SCRG1: variants seen among roughly 807,000 people sequenced by gnomAD.
SCRG1 encodes scrapie-responsive protein 1.
Under a neutral mutation model 7.7 loss-of-function variants are expected in SCRG1, and 3 were observed. The ratio of observed to expected loss-of-function variants is 0.39; its 90% CI spans 0.18 to 1.01. The LOEUF is 1.01. Ranked by LOEUF, SCRG1 falls within the 50% of genes least tolerant of loss-of-function variation. The pLI is 0.36. For missense variants in SCRG1, 110 were observed against 117.2 expected, an observed-to-expected ratio of 0.94 and a Z score of 0.28; for synonymous variants, 46 against 41.2, an observed-to-expected ratio of 1.12 and a Z score of -0.44.
At chr4:173,479,128 C>T in the SCRG1 span, among the ~76,000 whole-genome samples, 1 of 152,162 alleles carries the variant, frequency 6.6e-6, no homozygotes, top group Non-Finnish European at 1.5e-5. Flanking sequence ...TTCTACACCG[C>T]TCCAATTCTG....
chr4:173,497,079 C>T, the SCRG1 span, among the ~76,000 whole-genome samples: 1 of 152,118 alleles, frequency 6.6e-6, no homozygotes, highest in Non-Finnish European at 1.5e-5. Context: ...GCACTCCAGC[C>T]TGGGCAACAG....
At chr4:173,425,775 C>T in the SCRG1 span, among the ~76,000 whole-genome samples, 2 of 152,234 alleles carry the variant, frequency 1.3e-5, no homozygotes, top group African/African-American at 2.4e-5. Flanking sequence ...CTATTCTTGT[C>T]TACTGCATTC....
At chr4:173,500,593 C>CCTCA in the SCRG1 span, among the ~76,000 whole-genome samples, 1 of 152,148 alleles carries the variant, frequency 6.6e-6, no homozygotes, top group Non-Finnish European at 1.5e-5. Context: ...GATTCTCCCA[C>CCTCA]CTCAGCTTTC....
upstream of SCRG1, among the ~76,000 whole-genome samples, chr4:173,410,844 C>T (rs773304305): frequency 5.9e-5 from 9 of 152,150 alleles, no homozygotes; most frequent in Non-Finnish European, 1.3e-4. Context: ...AATGCTTCTT[C>T]GGTGACAGAA....
chr4:173,477,762 C>CCTTCCTTT, the SCRG1 span, among the ~76,000 whole-genome samples: 1 of 141,796 alleles, frequency 7.1e-6, no homozygotes, highest in African/African-American at 2.6e-5. Context: ...TTCCTTCCTT[C>CCTTCCTTT]CTTCCTTCTT....
intron 1 of SCRG1, among the ~76,000 whole-genome samples, chr4:173,393,996 T>G (rs565856148): frequency 6.6e-6 from 1 of 152,242 alleles, no homozygotes; most frequent in African/African-American, 2.4e-5. Flanking sequence ...TTTCAGCTTG[T>G]GTGTGTCCTT....
At chr4:173,483,001 G>A in the SCRG1 span, among the ~76,000 whole-genome samples, 3 of 123,816 alleles carry the variant, frequency 2.4e-5, no homozygotes, top group South Asian at 2.3e-4. Flanking sequence ...TATTTCATAT[G>A]TATAATATAT....
At chr4:173,426,848 A>G in the SCRG1 span, among the ~76,000 whole-genome samples, 143,952 of 152,288 alleles carry the variant, frequency 0.95, 68,562 homozygotes, top group East Asian at 1. Flanking sequence ...TTGCATTCCT[A>G]TTGCTTTACT....
At chr4:173,425,916 A>G in the SCRG1 span, among the ~76,000 whole-genome samples, 5 of 152,214 alleles carry the variant, frequency 3.3e-5, no homozygotes, top group African/African-American at 9.6e-5. Flanking sequence ...CCACACATTG[A>G]GCAAGAATGC....
chr4:173,500,418 C>A, the SCRG1 span, among the ~76,000 whole-genome samples: 1 of 152,106 alleles, frequency 6.6e-6, no homozygotes, highest in Non-Finnish European at 1.5e-5. Context: ...GAAGGAGATG[C>A]CCATTTTATT....
At chr4:173,515,947 C>G in the SCRG1 span, among the ~76,000 whole-genome samples, 2 of 152,188 alleles carry the variant, frequency 1.3e-5, no homozygotes, top group Non-Finnish European at 2.9e-5. This position sits in a 1 kb window ranked among gnomAD's most constrained non-coding sequence, Gnocchi z 4.6. Context: ...GGTTGTTTGG[C>G]GACTTTCATT....
chr4:173,499,156 T>C, the SCRG1 span, among the ~76,000 whole-genome samples: 16 of 152,104 alleles, frequency 1.1e-4, no homozygotes, highest in Admixed American at 3.9e-4. The surrounding 1 kb of genome is among the most constrained non-coding windows in gnomAD (Gnocchi z 4.1). Flanking sequence ...TTTTCAGAGG[T>C]GATGAAAGGA....
At chr4:173,393,137 T>C (rs1739503145) in intron 1 of SCRG1, among the ~76,000 whole-genome samples, 1 of 151,988 alleles carries the variant, frequency 6.6e-6, no homozygotes, top group African/African-American at 2.4e-5. Context: ...ACATTTTTGG[T>C]ATAAAGTTTT....
chr4:173,457,339 T>C, the SCRG1 span, among the ~76,000 whole-genome samples: 1 of 152,194 alleles, frequency 6.6e-6, no homozygotes, highest in Admixed American at 6.5e-5. Flanking sequence ...CTAATGTTGA[T>C]GACACTCAGA....
At chr4:173,483,314 C>T in the SCRG1 span, among the ~76,000 whole-genome samples, 19 of 13,686 alleles carry the variant, frequency 1.4e-3, no homozygotes, top group African/African-American at 2.9e-3. Flanking sequence ...TTATATATTA[C>T]ATATCATATA....
the SCRG1 span, among the ~76,000 whole-genome samples, chr4:173,450,944 G>GGGTGTTCTCTCTCTCCCCCA: frequency 6.6e-6 from 1 of 152,088 alleles, no homozygotes; most frequent in Admixed American, 6.5e-5. Context: ...CACCCAACCA[G>GGGTGTTCTCTCTCTCCCCCA]GAGAGAGAAG....
chr4:173,407,114 C>A (rs1484788529), upstream of SCRG1, among the ~76,000 whole-genome samples: 1 of 150,914 alleles, frequency 6.6e-6, no homozygotes, highest in Admixed American at 6.6e-5. Flanking sequence ...GAGGCTGAGA[C>A]AGGAGAATTG....
chr4:173,483,798 TGA>T, the SCRG1 span, among the ~76,000 whole-genome samples: 8 of 35,794 alleles, frequency 2.2e-4, 3 homozygotes, highest in African/African-American at 5.7e-4. Context: ...ATCATATATA[TGA>T]TATATGATAT....
chr4:173,401,486 C>T (rs1739761260), upstream of SCRG1, among the ~76,000 whole-genome samples: 1 of 152,186 alleles, frequency 6.6e-6, no homozygotes. Flanking sequence ...CCTCTCTTTA[C>T]TCTGTTTTAC....
Sources: gnomAD v4.1 joint callset for allele counts (sites outside exome capture counted in the v4.1 genomes callset) on GRCh38, gnomAD v4.1.1 for gene constraint, Gnocchi (gnomAD v3.1) non-coding constraint, MANE v1.5 for transcripts, NCBI Gene and HGNC (gene_info 2026-07-23, HGNC 2026-07-21) for gene names.